Variants in KIF13B observed in about 807,000 individuals in gnomAD.
KIF13B encodes the protein kinesin family member 13B, also known as kinesin-like protein KIF13B.
KIF13B carries 127 observed loss-of-function variants against 222.0 expected under a neutral mutation model. The ratio of observed to expected loss-of-function variants is 0.57; its 90% CI spans 0.50 to 0.66. KIF13B has a LOEUF of 0.66. KIF13B is among the 30% of genes least tolerant of loss of function. The pLI is 0.00. For synonymous variants in KIF13B, 976 were observed against 919.0 expected (o/e 1.06, Z -1.12); for missense variants, 2,173 against 2,379.0 (o/e 0.91, Z 1.80).
chr8:29,132,344 C>A lies in KIF13B; in HGVS notation c.2906G>T (p.Gly969Val). Residue 969 changes from glycine to valine, a missense_variant, in exon 23 of 40, where the codon GGA becomes GTA. Physicochemically the swap from Gly to Val is moderately radical, Grantham distance 109 (BLOSUM62 -3). Coordinates refer to ENST00000524189, the MANE Select transcript of KIF13B (RefSeq NM_015254.4). Reference sequence around the variant, plus strand: ...ACTACGTGTCTTTGCTTGGATGATTCCCAAATCCCACAGGGCGGGGTTTTT... The same window carrying A: ...ACTACGTGTCTTTGCTTGGATGATTACCAAATCCCACAGGGCGGGGTTTTT... ...PRKNPALWDLGIIQAKTRSLR... is the reference protein window; with the variant it reads ...PRKNPALWDLVIIQAKTRSLR... 1 of 1,579,132 alleles carries A rather than the reference C, an allele frequency of 6.3e-7. No individual in the cohort carries two copies. Among genetic ancestry groups the A allele is most frequent in the Non-Finnish European group, 8.6e-7 (1 of 1,161,988 alleles).
At chr8:29,250,142 C>T (rs961319297) in intron 1 of KIF13B, 9 of 894,294 alleles carry the variant, frequency 1.0e-5, no homozygotes, top group Non-Finnish European at 1.4e-5. Context: ...ACTCACCACC[C>T]ACCACAAAGT....
chr8:29,068,072 C>T lies in KIF13B; in HGVS notation c.*2432G>A, dbSNP rs562897764. 2.4e-4 allele frequency: 37 copies of T among 152,580 alleles called. No individual in the cohort carries two copies. The highest frequency in any genetic ancestry group is 7.7e-4 in the African/African-American group (32 of 41,570). The allele number at this position is 152,580 out of a possible 1,614,324, so 9.5% of individuals were successfully genotyped here. A position where few individuals can be genotyped will look rare whatever the true frequency, so the allele number is the denominator to read the frequency against. On this transcript the variant is annotated 3_prime_UTR_variant, in exon 40 of 40. Transcript: ENST00000524189. This position sits in a 1 kb window ranked among gnomAD's most constrained non-coding sequence, Gnocchi z 4.4. ...GCACACAATGGGGAGGCAGGGCCCC[C>T]AGAAGCATCCCCCACCCCCATCTCT...
chr8:29,174,867 T>G (rs1364372583), intron 10 of KIF13B, among the ~76,000 whole-genome samples: 1 of 152,184 alleles, frequency 6.6e-6, no homozygotes, highest in Non-Finnish European at 1.5e-5. Flanking sequence ...AGTTGAATAC[T>G]AGTTAACTCT....
chr8:29,228,472 A>AAAAAAAAAAAAAAAAATATATAT, intron 2 of KIF13B, among the ~76,000 whole-genome samples: 10 of 117,074 alleles, frequency 8.5e-5, no homozygotes, highest in Non-Finnish European at 1.1e-4. Flanking sequence ...ATCTTAAAAA[A>AAAAAAAAAAAAAAAAATATATAT]ATATATATAT....
chr8:29,243,263 G>A (rs577748605), intron 2 of KIF13B, among the ~76,000 whole-genome samples: 5 of 150,934 alleles, frequency 3.3e-5, no homozygotes, highest in African/African-American at 1.2e-4. Context: ...AGGAGAATTG[G>A]TTGAACCTGG....
intron 2 of KIF13B, among the ~76,000 whole-genome samples, chr8:29,212,465 G>C (rs923585961): frequency 6.6e-6 from 1 of 152,196 alleles, no homozygotes; most frequent in East Asian, 1.9e-4. Flanking sequence ...ATGATGCTGA[G>C]AATCTTCTAA....
At chr8:29,107,640 G>A (rs573052661) in intron 35 of KIF13B, among the ~76,000 whole-genome samples, 4 of 151,080 alleles carry the variant, frequency 2.6e-5, no homozygotes, top group South Asian at 4.2e-4. Flanking sequence ...GCTCACTGCA[G>A]GCTCCGCCCC....
intron 2 of KIF13B, among the ~76,000 whole-genome samples, chr8:29,241,503 G>T (rs952526854): frequency 3.3e-5 from 5 of 152,184 alleles, no homozygotes; most frequent in Non-Finnish European, 7.4e-5. Flanking sequence ...ACTCTTGGGG[G>T]ATTCCCCAGA....
chr8:29,159,188 T>G (rs1328888994), intron 13 of KIF13B, among the ~76,000 whole-genome samples: 1 of 152,204 alleles, frequency 6.6e-6, no homozygotes, highest in Non-Finnish European at 1.5e-5. Context: ...TCTTGCTCTG[T>G]TGCCCAGGCT....
chr8:29,140,027 G>A (rs375165563), intron 21 of KIF13B, 36 bp downstream of exon 21: 5 of 1,529,470 alleles, frequency 3.3e-6, no homozygotes, highest in East Asian at 2.5e-5. Context: ...AATGACTTTT[G>A]TATCAACGTA....
intron 2 of KIF13B, among the ~76,000 whole-genome samples, chr8:29,243,717 C>T (rs1252484535): frequency 6.6e-6 from 1 of 151,972 alleles, no homozygotes; most frequent in Non-Finnish European, 1.5e-5. Flanking sequence ...TAGTCTCTTG[C>T]CATGCTAGCA....
intron 1 of KIF13B, among the ~76,000 whole-genome samples, chr8:29,251,839 T>C (rs902158551): frequency 6.6e-6 from 1 of 152,176 alleles, no homozygotes; most frequent in African/African-American, 2.4e-5. Flanking sequence ...AGTTTATTCA[T>C]AGTGAAGCCT....
chr8:29,195,821 A>G (rs1290815157), intron 3 of KIF13B, among the ~76,000 whole-genome samples: 1 of 152,180 alleles, frequency 6.6e-6, no homozygotes, highest in Non-Finnish European at 1.5e-5. Flanking sequence ...AGGCGGCTTG[A>G]GGCCGCGCAG....
intron 36 of KIF13B, among the ~76,000 whole-genome samples, chr8:29,095,895 C>T (rs886843030): frequency 2.6e-5 from 4 of 151,442 alleles, no homozygotes; most frequent in Middle Eastern, 3.4e-3. Flanking sequence ...AAAAACAAAA[C>T]AAAACGAAAC....
chr8:29,256,282 A>C (rs912194679), intron 1 of KIF13B, among the ~76,000 whole-genome samples: 2 of 152,148 alleles, frequency 1.3e-5, no homozygotes, highest in Non-Finnish European at 2.9e-5. Context: ...TAGTCATCTA[A>C]ATCAGAGACT....
At chr8:29,219,085 G>A (rs942208492) in intron 2 of KIF13B, 5 of 152,242 alleles carry the variant, frequency 3.3e-5, no homozygotes, top group African/African-American at 1.2e-4. Context: ...GAAATGACAA[G>A]CTCCGTCCCT....
At chr8:29,192,386 G>A (rs1813228116) in intron 3 of KIF13B, among the ~76,000 whole-genome samples, 1 of 152,106 alleles carries the variant, frequency 6.6e-6, no homozygotes, top group Admixed American at 6.5e-5. Flanking sequence ...GCTTACTGCT[G>A]GTCCTTGAAG....
At position 29,072,289 on chromosome 8, in the gene KIF13B, G is replaced by A. The variant is rs1807334217; in HGVS notation, c.4549C>T (p.Leu1517=). The part of the protein sequence containing the change: ...EAQPEMGPDV[L]VQTMGAPALK... ...GCCGGGGCCCCCATCGTCTGCACCA[G>A]CACGTCAGGGCCCATCTCCGGCTGA... Residue 1517 remains leucine (L), a synonymous_variant, in exon 39 of 40, where the codon CTG becomes TTG. Transcript: ENST00000524189. The A allele has an allele frequency of 1.4e-6, 2 of 1,442,752 alleles. No homozygotes were observed. The highest frequency in any genetic ancestry group is 1.5e-5 in the African/African-American group (1 of 67,644). 89.4% of individuals were successfully genotyped at this position (1,442,752 alleles called of 1,614,324 possible). A position where few individuals can be genotyped will look rare whatever the true frequency, so the allele number is the denominator to read the frequency against.
At chr8:29,224,035 G>C (rs772414664) in intron 2 of KIF13B, among the ~76,000 whole-genome samples, 31 of 142,950 alleles carry the variant, frequency 2.2e-4, no homozygotes, top group Non-Finnish European at 4.1e-4. Flanking sequence ...GTCTCTCTCT[G>C]TTGCCCAGGC....
Sources: allele counts gnomAD v4.1 joint callset (sites outside exome capture counted in the v4.1 genomes callset), GRCh38; gene constraint gnomAD v4.1.1; non-coding constraint Gnocchi (gnomAD v3.1); transcripts MANE v1.5; gene names NCBI Gene and HGNC (gene_info 2026-07-23, HGNC 2026-07-21).